Variants in NLGN3 observed in about 807,000 individuals in gnomAD.
The protein encoded by NLGN3 is neuroligin-3.
A neutral mutation model predicts 42.9 loss-of-function variants in NLGN3; 11 were observed. The observed-to-expected ratio is 0.26, with a 90% CI of 0.16 to 0.42. The LOEUF (loss-of-function observed/expected upper bound fraction) is 0.42. NLGN3 is among the 10% of genes least tolerant of loss of function. The pLI is 1.00. For synonymous variants in NLGN3, 279 were observed against 312.7 expected (o/e 0.89, Z 1.14); for missense variants, 374 against 733.8 (o/e 0.51, Z 5.67).
chrX:71,157,345 G>T (rs1393334357), intron 5 of NLGN3, among the ~76,000 whole-genome samples: 1 of 105,262 alleles, frequency 9.5e-6, no homozygotes, highest in Non-Finnish European at 1.9e-5. Context: ...TGTTTTTGAG[G>T]CAGAGTCTCA....
At chrX:71,164,747 C>T (rs1216324306) in intron 6 of NLGN3, among the ~76,000 whole-genome samples, 1 of 111,434 alleles carries the variant, frequency 9.0e-6, no homozygotes, top group Non-Finnish European at 1.9e-5. Flanking sequence ...CTCTGAAGAA[C>T]AAGTCTGTAC....
Position 71,170,182 on chromosome X carries a change from GACACAC to G in NLGN3, c.*99_*104del. On this transcript the variant is annotated 3_prime_UTR_variant, in exon 8 of 8. Transcript: ENST00000358741. ...GCACACACACACACACACACACGCA[GACACAC>G]ACACACACACACATATATGTATACG... The G allele has an allele frequency of 9.8e-7, 1 of 1,025,229 alleles. No homozygotes were observed. Among genetic ancestry groups the G allele is most frequent in the Non-Finnish European group, 1.3e-6 (1 of 773,604 alleles). 84.5% of individuals were successfully genotyped at this position (1,025,229 alleles called of 1,213,427 possible). A position where few individuals can be genotyped will look rare whatever the true frequency, so the allele number is the denominator to read the frequency against.
chrX:71,163,918 T>C (rs1385026551), intron 5 of NLGN3, among the ~76,000 whole-genome samples: 1 of 112,688 alleles, frequency 8.9e-6, no homozygotes, highest in African/African-American at 3.2e-5. Flanking sequence ...TGCAGACCCC[T>C]CCTTCCAAGC....
In NLGN3 at chrX:71,165,202, C is replaced by G. The variant is rs1254916916; in HGVS notation, c.913+874C>G. ...TCCATCTCTTGAAGAAGTTCTGTCT[C>G]TCTGAGAGAGAAGAACCACCTTCTT... On this transcript the variant is annotated intron_variant, in intron 6 of 7. Transcript: ENST00000358741. Among the ~76,000 whole-genome samples, 4 of 111,945 alleles carry G rather than the reference C, an allele frequency of 3.6e-5. No homozygotes were observed. In the Admixed American group the frequency reaches 3.8e-4, roughly 11 times the overall value.
downstream of NLGN3, among the ~76,000 whole-genome samples, chrX:71,174,850 G>A (rs7057298): frequency 0.21 from 23,365 of 111,755 alleles, 3,005 homozygotes; most frequent in African/African-American, 0.48. Flanking sequence ...CAGTACAAAT[G>A]TAAGATGTGA....
rs1455784828 is a variant in NLGN3, at chrX:71,148,137, G to A, written c.388G>A (p.Val130Ile). ...PVWFTANLDI[V>I]ATYIQEPNED... ...CTGGTTCACTGCCAACTTGGATATC[G>A]TCGCTACTTACATCCAGGAGCCCAA... Residue 130 changes from valine (V) to isoleucine (I), a missense_variant, in exon 2 of 8, where the codon GTC (valine) becomes ATC (isoleucine). Physicochemically the swap from Val to Ile is conservative, Grantham distance 29. Coordinates refer to ENST00000358741, the MANE Select transcript of NLGN3 (RefSeq NM_181303.2). 1.2e-5 allele frequency: 14 copies of A among 1,210,856 alleles called. 1 individual carries two copies. In the Middle Eastern group the frequency reaches 6.9e-4, roughly 60 times the overall value.
intron 4 of NLGN3, among the ~76,000 whole-genome samples, chrX:71,154,035 C>T (rs1410952559): frequency 9.0e-6 from 1 of 111,660 alleles, no homozygotes; most frequent in Non-Finnish European, 1.9e-5. Context: ...AAAAGCAGCA[C>T]CAGAACCTCC....
chrX:71,150,705 A>T (rs1430646603), intron 3 of NLGN3, among the ~76,000 whole-genome samples: 1 of 106,457 alleles, frequency 9.4e-6, no homozygotes, highest in Non-Finnish European at 1.9e-5. Flanking sequence ...CCATCTCAAA[A>T]AAAAAAAAAA....
rs184225366 is a variant in NLGN3 at position 71,166,622 on chromosome X, C to T, written c.914-389C>T. Among the ~76,000 whole-genome samples, 441 of 112,006 alleles carry T rather than the reference C, an allele frequency of 3.9e-3. 1 individual carries two copies. The highest frequency in any genetic ancestry group is 6.4e-3 in the Non-Finnish European group (341 of 53,080). ...TTCTCATCTCTCATGAAAAAGACTC[C>T]TTTGTGGTGCAAGTGCCAGCTCCCT... On this transcript the variant is annotated intron_variant, in intron 6 of 7. Coordinates refer to ENST00000358741, the MANE Select transcript of NLGN3 (RefSeq NM_181303.2).
rs372131545 is a variant in NLGN3 at position 71,169,920 on chromosome X, C to G, written c.2370C>G (p.Pro790=). The stretch of plus-strand genomic sequence containing the variant: ...ACACGCTGCGCCTCACTGCATTGCC[C>G]GACTACACCCTGACCCTGCGGCGCT... The part of the protein sequence containing the change: ...PHDTLRLTAL[P]DYTLTLRRSP... The change falls in exon 8 of 8, where the codon CCC becomes CCG. Residue 790 remains proline, a synonymous_variant. Coordinates refer to ENST00000358741, the MANE Select transcript of NLGN3 (RefSeq NM_181303.2). 4 of 1,199,594 alleles carry G rather than the reference C, an allele frequency of 3.3e-6. No individual in the cohort carries two copies. The Admixed American group carries it at 9.0e-5, about 27-fold the overall frequency.
At chrX:71,172,556 G>A (rs2092472822), downstream of NLGN3, among the ~76,000 whole-genome samples, 1 of 111,110 alleles carries the variant, frequency 9.0e-6, no homozygotes, top group African/African-American at 3.3e-5. Context: ...TAGCAAAAGT[G>A]GAAAGCTAGA....
downstream of NLGN3, among the ~76,000 whole-genome samples, chrX:71,175,021 C>A (rs978260839): frequency 8.9e-6 from 1 of 111,884 alleles, no homozygotes; most frequent in Non-Finnish European, 1.9e-5. Context: ...ACTGATCAGA[C>A]CACATCTGAT....
intron 1 of NLGN3, among the ~76,000 whole-genome samples, chrX:71,146,204 C>G (rs1478733379): frequency 2.0e-5 from 2 of 100,146 alleles, no homozygotes; most frequent in African/African-American, 3.7e-5. Flanking sequence ...CACACACACA[C>G]ACACACACAC....
chrX:71,154,077 G>A (rs747249142), intron 4 of NLGN3, among the ~76,000 whole-genome samples: 36 of 112,279 alleles, frequency 3.2e-4, no homozygotes, highest in African/African-American at 1.1e-3. Flanking sequence ...AGATGGTCTC[G>A]GGGCTAGGGG....
rs778582326 is a variant in NLGN3, at chrX:71,147,744, C to A, written c.-6C>A. ...TGCCTCTCCTGCCAGTCCCCCTGCC[C>A]GGAACATGTGGCTGCGGCTTGGCCC... is the stretch of plus-strand genomic sequence containing the variant. On this transcript the variant is annotated 5_prime_UTR_variant, in exon 2 of 8. Transcript: ENST00000358741. The A allele has an allele frequency of 1.7e-6, 2 of 1,202,549 alleles. No homozygotes were observed. The highest frequency in any genetic ancestry group is 2.2e-5 in the Admixed American group (1 of 45,399).
Position 71,169,269 on chromosome X carries a change from G to C in NLGN3, c.1719G>C (p.Pro573=). The change falls in exon 8 of 8, where the codon CCG becomes CCC. Residue 573 remains proline (P), a synonymous_variant. Transcript: ENST00000358741. ...NFAKTGDPNK[P]VPQDTKFIHT... Reference sequence around the variant, plus strand: ...GGTATTTCAGGGATCCCAACAAGCCGGTCCCCCAGGACACCAAGTTCATTC... The same window carrying C: ...GGTATTTCAGGGATCCCAACAAGCCCGTCCCCCAGGACACCAAGTTCATTC... 1 of 1,210,915 alleles carries C rather than the reference G, an allele frequency of 8.3e-7. No homozygotes were observed. Among genetic ancestry groups the C allele is most frequent in the Non-Finnish European group, 1.1e-6 (1 of 895,230 alleles).
intron 3 of NLGN3, among the ~76,000 whole-genome samples, chrX:71,151,379 AC>A (rs751863490): frequency 1.2e-4 from 14 of 112,165 alleles, no homozygotes; most frequent in African/African-American, 3.6e-4. Context: ...TGGGTTCCAG[AC>A]AGTGCAAGGG....
At chrX:71,168,438 A>G (rs1484449154) in intron 7 of NLGN3, among the ~76,000 whole-genome samples, 1 of 110,047 alleles carries the variant, frequency 9.1e-6, no homozygotes, top group African/African-American at 3.3e-5. Context: ...TGCTTCAGAA[A>G]GAGCCTTCAG....
At chrX:71,155,489 G>T in intron 5 of NLGN3, 126 bp downstream of exon 5, 1 of 902,320 alleles carries the variant, frequency 1.1e-6, no homozygotes, top group Non-Finnish European at 1.6e-6. Flanking sequence ...CAGTCAAAAT[G>T]GTGTTATCCT....
Sources: allele counts gnomAD v4.1 joint callset (sites outside exome capture counted in the v4.1 genomes callset), GRCh38; gene constraint gnomAD v4.1.1; transcripts MANE v1.5; gene names NCBI Gene and HGNC (gene_info 2026-07-23, HGNC 2026-07-21).